The following MAF variants were observed in gnomAD, a reference collection of about 807,000 sequenced individuals.
MAF encodes the protein transcription factor Maf.
Under a neutral mutation model 22.0 loss-of-function variants are expected in MAF, and 10 were observed. The ratio of observed to expected loss-of-function variants is 0.45; its 90% CI spans 0.28 to 0.77. MAF has a LOEUF of 0.77. MAF is among the 30% of genes least tolerant of loss of function. MAF has a pLI of 0.12. For synonymous variants in MAF, 337 were observed against 255.8 expected, an observed-to-expected ratio of 1.32 and a Z score of -3.03; for missense variants, 544 against 548.4, an observed-to-expected ratio of 0.99 and a Z score of 0.08.
chr16:79,259,527 C>G, the MAF span, among the ~76,000 whole-genome samples: 2 of 152,282 alleles, frequency 1.3e-5, no homozygotes, highest in Non-Finnish European at 2.9e-5. Context: ...TTCATGGCCA[C>G]ACACATCTCC....
the MAF span, among the ~76,000 whole-genome samples, chr16:79,362,415 T>C: frequency 1.3e-4 from 20 of 152,072 alleles, no homozygotes; most frequent in Non-Finnish European, 2.6e-4. Flanking sequence ...CTTGCCTCAA[T>C]GAATTTTGTT....
chr16:79,241,688 GACA>G, the MAF span, among the ~76,000 whole-genome samples: 1 of 151,934 alleles, frequency 6.6e-6, no homozygotes. Context: ...AGGAAATACG[GACA>G]ACGCCACAGA....
the MAF span, among the ~76,000 whole-genome samples, chr16:79,252,631 A>C: frequency 6.6e-5 from 10 of 152,078 alleles, no homozygotes; most frequent in African/African-American, 2.4e-4. Flanking sequence ...CTGGGATTAT[A>C]GGCTCTCGGT....
chr16:79,584,371 T>C (rs1411340597), downstream of MAF, among the ~76,000 whole-genome samples: 1 of 152,194 alleles, frequency 6.6e-6, no homozygotes, highest in African/African-American at 2.4e-5. Flanking sequence ...ATATCTAATA[T>C]CACGGAGTAA....
At chr16:79,378,358 G>T in the MAF span, among the ~76,000 whole-genome samples, 3 of 152,022 alleles carry the variant, frequency 2.0e-5, no homozygotes, top group East Asian at 5.8e-4. Context: ...AAAAAAGGAA[G>T]CCCATAGAAA....
At chr16:79,259,907 A>G in the MAF span, among the ~76,000 whole-genome samples, 4 of 152,114 alleles carry the variant, frequency 2.6e-5, no homozygotes, top group African/African-American at 7.2e-5. Flanking sequence ...TTGGAAAACC[A>G]AAGGTGATGT....
At chr16:79,558,278 T>G in the MAF span, among the ~76,000 whole-genome samples, 2 of 151,584 alleles carry the variant, frequency 1.3e-5, no homozygotes, top group Admixed American at 1.3e-4. Context: ...TTGGAAACTA[T>G]GAACTATAAA....
At chr16:79,509,470 G>A in the MAF span, among the ~76,000 whole-genome samples, 1 of 152,232 alleles carries the variant, frequency 6.6e-6, no homozygotes, top group African/African-American at 2.4e-5. Context: ...TGGCTGGCAA[G>A]GATGTTGGCA....
the MAF span, among the ~76,000 whole-genome samples, chr16:79,526,905 A>C: frequency 6.6e-6 from 1 of 152,234 alleles, no homozygotes; most frequent in African/African-American, 2.4e-5. Context: ...TATAAATAAA[A>C]ATAGAAAGGG....
the MAF span, among the ~76,000 whole-genome samples, chr16:79,445,043 A>T: frequency 0.019 from 2,827 of 151,562 alleles, 51 homozygotes; most frequent in African/African-American, 0.045. Flanking sequence ...TTATTTATTT[A>T]TTTTTTTTGA....
chr16:79,479,603 C>T, the MAF span, among the ~76,000 whole-genome samples: 1 of 152,186 alleles, frequency 6.6e-6, no homozygotes, highest in East Asian at 1.9e-4. Flanking sequence ...CCGAGCCAAG[C>T]CAACTTGCCT....
the MAF span, among the ~76,000 whole-genome samples, chr16:79,392,562 C>A: frequency 6.6e-6 from 1 of 151,816 alleles, no homozygotes; most frequent in African/African-American, 2.4e-5. Flanking sequence ...CGGGTGGAAC[C>A]AGCTGTAATA....
At chr16:79,362,457 T>A in the MAF span, among the ~76,000 whole-genome samples, 8 of 152,208 alleles carry the variant, frequency 5.3e-5, no homozygotes, top group Admixed American at 1.3e-4. Flanking sequence ...AGATCCTTCA[T>A]GTCGAATGTT....
chr16:79,570,930 G>A, the MAF span, among the ~76,000 whole-genome samples: 6 of 152,166 alleles, frequency 3.9e-5, no homozygotes, highest in Non-Finnish European at 7.3e-5. Flanking sequence ...TGCCGCCTGG[G>A]TTCCTTCATT....
chr16:79,409,613 T>G, the MAF span, among the ~76,000 whole-genome samples: 1 of 152,126 alleles, frequency 6.6e-6, no homozygotes. Context: ...GTAATAACCC[T>G]CAGCCAAACC....
At chr16:79,370,800 T>G in the MAF span, among the ~76,000 whole-genome samples, 6 of 152,160 alleles carry the variant, frequency 3.9e-5, no homozygotes, top group African/African-American at 1.4e-4. Context: ...ACCTCCCAAT[T>G]TCACCCCTGC....
chr16:79,450,601 T>C, the MAF span, among the ~76,000 whole-genome samples: 1 of 152,214 alleles, frequency 6.6e-6, no homozygotes, highest in African/African-American at 2.4e-5. Context: ...ACAGTTGTCC[T>C]GAAGTTCAAA....
chr16:79,413,266 G>A, the MAF span, among the ~76,000 whole-genome samples: 2 of 84,078 alleles, frequency 2.4e-5, no homozygotes, highest in Non-Finnish European at 2.2e-5. Context: ...TTTTTGAGAC[G>A]GAGTCTCGCT....
the MAF span, among the ~76,000 whole-genome samples, chr16:79,399,351 C>T: frequency 6.6e-6 from 1 of 152,156 alleles, no homozygotes. Flanking sequence ...TCATCATCAT[C>T]ACATGTCTTG....
Sources: allele counts gnomAD v4.1 joint callset (sites outside exome capture counted in the v4.1 genomes callset), GRCh38; gene constraint gnomAD v4.1.1; transcripts MANE v1.5; gene names NCBI Gene and HGNC (gene_info 2026-07-23, HGNC 2026-07-21).